Variants in HCN1 observed in about 807,000 individuals in gnomAD.
HCN1 encodes the protein hyperpolarization activated cyclic nucleotide gated potassium channel 1.
A neutral mutation model predicts 78.9 loss-of-function variants in HCN1; 13 were observed. That is an observed-to-expected ratio of 0.16 (90% CI 0.11 to 0.26). The LOEUF is 0.26. Ranked by LOEUF, HCN1 falls within the 10% of genes least tolerant of loss-of-function variation. The pLI, the probability that HCN1 is intolerant of heterozygous loss-of-function variation, is 1.00. For synonymous variants in HCN1, 552 were observed against 455.5 expected (o/e 1.21, Z -2.70); for missense variants, 810 against 1,154.3 (o/e 0.70, Z 4.32).
intron 5 of HCN1, among the ~76,000 whole-genome samples, chr5:45,340,906 G>A (rs1746565704): frequency 6.6e-6 from 1 of 152,102 alleles, no homozygotes. Flanking sequence ...AAGCTTGGAT[G>A]GAAGAATGAG....
At chr5:45,474,003 C>T (rs1371479191) in intron 2 of HCN1, among the ~76,000 whole-genome samples, 11 of 151,894 alleles carry the variant, frequency 7.2e-5, no homozygotes, top group South Asian at 2.1e-4. Flanking sequence ...AAGTTTCTTT[C>T]TTGCTTCTGA....
intron 2 of HCN1, among the ~76,000 whole-genome samples, chr5:45,486,235 C>A (rs146392649): frequency 6.6e-6 from 1 of 152,056 alleles, no homozygotes; most frequent in Non-Finnish European, 1.5e-5. Flanking sequence ...ACTAGTCTCC[C>A]ATACAAGATT....
chr5:45,289,805 C>A (rs1745335783), intron 6 of HCN1, among the ~76,000 whole-genome samples: 1 of 152,022 alleles, frequency 6.6e-6, no homozygotes, highest in South Asian at 2.1e-4. Flanking sequence ...TGTATTCTTA[C>A]AGTTCTGGAG....
At chr5:45,263,119 T>G (rs575525729) in intron 7 of HCN1, among the ~76,000 whole-genome samples, 58 of 152,316 alleles carry the variant, frequency 3.8e-4, no homozygotes, top group Non-Finnish European at 7.1e-4. Flanking sequence ...AAAGGGCTTT[T>G]GGAATAGGAT....
At chr5:45,463,997 C>T (rs1004645102) in intron 2 of HCN1, among the ~76,000 whole-genome samples, 2 of 151,990 alleles carry the variant, frequency 1.3e-5, no homozygotes, top group Admixed American at 1.3e-4. Context: ...CAGGCAGTGG[C>T]CATCATTCAA....
chr5:45,592,461 T>C (rs1366478000), intron 2 of HCN1, among the ~76,000 whole-genome samples: 6 of 152,184 alleles, frequency 3.9e-5, no homozygotes, highest in Non-Finnish European at 7.4e-5. Flanking sequence ...AAACAAATAA[T>C]AGATGATACT....
intron 2 of HCN1, among the ~76,000 whole-genome samples, chr5:45,632,401 T>A (rs907388431): frequency 6.6e-6 from 1 of 151,964 alleles, no homozygotes; most frequent in Admixed American, 6.6e-5. Context: ...AATCTTCTGG[T>A]GAGAAATGTG....
intron 3 of HCN1, among the ~76,000 whole-genome samples, chr5:45,446,458 A>G (rs1057352193): frequency 1.8e-4 from 27 of 152,260 alleles, no homozygotes; most frequent in African/African-American, 6.5e-4. Flanking sequence ...GTTGGAAAAC[A>G]CTCTGCAGGA....
intron 1 of HCN1, among the ~76,000 whole-genome samples, chr5:45,659,243 C>A (rs930543920): frequency 5.5e-4 from 77 of 139,850 alleles, no homozygotes; most frequent in South Asian, 1.7e-3. Flanking sequence ...AGCTGAGGGT[C>A]CTGTCTGTTA....
chr5:45,304,410 G>T (rs1425716923), intron 5 of HCN1, among the ~76,000 whole-genome samples: 1 of 152,062 alleles, frequency 6.6e-6, no homozygotes, highest in African/African-American at 2.4e-5. Context: ...AGGTGCAGTG[G>T]CTCATGGCTG....
rs776142880 is a variant in HCN1, at chr5:45,259,507, A to G, written c.*2414T>C. The G allele has an allele frequency of 6.6e-6, 1 of 152,272 alleles. No individual in the cohort carries two copies. The highest frequency in any genetic ancestry group is 2.4e-5 in the African/African-American group (1 of 41,412). The allele number at this position is 152,272 out of a possible 1,614,324, so 9.4% of individuals were successfully genotyped here. On this transcript the variant is annotated 3_prime_UTR_variant, in exon 8 of 8. Transcript: ENST00000303230. The stretch of plus-strand genomic sequence containing the variant: ...ACTTTTCAACTAGCAATGGACCTTT[A>G]TATTACAGGAATGTGAGTCATTTTT...
At chr5:45,566,248 T>C (rs964218332) in intron 2 of HCN1, among the ~76,000 whole-genome samples, 1 of 152,160 alleles carries the variant, frequency 6.6e-6, no homozygotes, top group African/African-American at 2.4e-5. Flanking sequence ...TGGTTGTCTC[T>C]TTTTTAGGTT....
At chr5:45,348,236 T>G (rs1257395936) in intron 5 of HCN1, among the ~76,000 whole-genome samples, 2 of 152,188 alleles carry the variant, frequency 1.3e-5, no homozygotes, top group Non-Finnish European at 2.9e-5. Flanking sequence ...AAAAGAATTT[T>G]CAACCCAGAA....
At chr5:45,472,479 A>G (rs1196557121) in intron 2 of HCN1, among the ~76,000 whole-genome samples, 4 of 151,292 alleles carry the variant, frequency 2.6e-5, no homozygotes, top group Admixed American at 1.3e-4. Context: ...AGAAGAAAGT[A>G]AAAGAACGGA....
intron 1 of HCN1, among the ~76,000 whole-genome samples, chr5:45,678,846 A>AT (rs1739648474): frequency 6.6e-6 from 1 of 151,972 alleles, no homozygotes; most frequent in Non-Finnish European, 1.5e-5. Flanking sequence ...ACTGTCAAAT[A>AT]TTTAACATTT....
intron 5 of HCN1, among the ~76,000 whole-genome samples, chr5:45,339,253 C>A (rs535528109): frequency 6.6e-6 from 1 of 152,172 alleles, no homozygotes; most frequent in Non-Finnish European, 1.5e-5. Flanking sequence ...AGCTCATAGT[C>A]TTTAAAGAGA....
intron 2 of HCN1, among the ~76,000 whole-genome samples, chr5:45,635,587 C>T (rs1340850360): frequency 6.6e-6 from 1 of 152,102 alleles, no homozygotes; most frequent in Non-Finnish European, 1.5e-5. Flanking sequence ...AAGAATTTAG[C>T]TGTCTTAAAA....
At chr5:45,422,797 T>A (rs1051857265) in intron 3 of HCN1, among the ~76,000 whole-genome samples, 6 of 152,044 alleles carry the variant, frequency 3.9e-5, no homozygotes, top group Non-Finnish European at 7.4e-5. Flanking sequence ...TTTCTGCAAC[T>A]CACAAAGTCA....
chr5:45,312,046 G>A (rs887194771), intron 5 of HCN1, among the ~76,000 whole-genome samples: 1 of 152,126 alleles, frequency 6.6e-6, no homozygotes, highest in African/African-American at 2.4e-5. Flanking sequence ...TCATTAAGAA[G>A]GTGTCTTAAA....
Sources: gnomAD v4.1 joint callset for allele counts (sites outside exome capture counted in the v4.1 genomes callset) on GRCh38, gnomAD v4.1.1 for gene constraint, MANE v1.5 for transcripts, NCBI Gene and HGNC (gene_info 2026-07-23, HGNC 2026-07-21) for gene names.